The following DDX10 variants were observed in gnomAD, a reference collection of about 807,000 sequenced individuals.
DDX10 encodes probable ATP-dependent RNA helicase DDX10.
A neutral mutation model predicts 104.3 loss-of-function variants in DDX10; 74 were observed. The ratio of observed to expected loss-of-function variants is 0.71; its 90% CI spans 0.59 to 0.86. DDX10 has a LOEUF of 0.86. DDX10 is among the 40% of genes least tolerant of loss of function. The pLI is 0.00. For synonymous variants in DDX10, 351 were observed against 353.4 expected, an observed-to-expected ratio of 0.99 and a Z score of 0.08; for missense variants, 952 against 1,040.0, an observed-to-expected ratio of 0.92 and a Z score of 1.16.
intron 16 of DDX10, among the ~76,000 whole-genome samples, chr11:108,856,324 G>A (rs1221052613): frequency 6.6e-6 from 1 of 152,020 alleles, no homozygotes; most frequent in Admixed American, 6.6e-5. Flanking sequence ...CAGCATACTC[G>A]GGAGGGTGAG....
chr11:108,923,607 A>G (rs994988389), intron 17 of DDX10, among the ~76,000 whole-genome samples: 8 of 152,224 alleles, frequency 5.3e-5, no homozygotes, highest in Non-Finnish European at 1.0e-4. Context: ...AACAGGAAAC[A>G]TATCTTTCCT....
chr11:108,937,500 A>G (rs180707677), intron 17 of DDX10, among the ~76,000 whole-genome samples: 7 of 152,314 alleles, frequency 4.6e-5, no homozygotes, highest in East Asian at 3.9e-4. Flanking sequence ...TCACATTCCA[A>G]TGTTGTATCT....
intron 6 of DDX10, among the ~76,000 whole-genome samples, chr11:108,685,504 C>T (rs573448093): frequency 4.6e-5 from 7 of 152,184 alleles, no homozygotes; most frequent in African/African-American, 7.2e-5. Flanking sequence ...GCGTTGCTCA[C>T]GCTGGGAGCT....
intron 9 of DDX10, among the ~76,000 whole-genome samples, chr11:108,701,747 C>T (rs766640556): frequency 2.4e-5 from 3 of 125,336 alleles, no homozygotes; most frequent in Non-Finnish European, 3.2e-5. Flanking sequence ...AGTGCAGTGG[C>T]GCGATCTTGG....
At chr11:108,713,541 CT>C (rs2094287368) in intron 10 of DDX10, among the ~76,000 whole-genome samples, 1 of 152,026 alleles carries the variant, frequency 6.6e-6, no homozygotes, top group African/African-American at 2.4e-5. Flanking sequence ...TATTATGTTG[CT>C]CATCTGTGCA....
rs748993236 is a variant in DDX10 at position 108,678,273 on chromosome 11, G to C, written c.538-42G>C. 4 of 1,591,396 alleles carry C rather than the reference G, an allele frequency of 2.5e-6. No homozygotes were observed. In the Admixed American group the frequency reaches 7.0e-5, roughly 28 times the overall value. On this transcript the variant is annotated intron_variant, in intron 4 of 17. Transcript: ENST00000322536. ...ATAGCTTTGGTACACAGGCTGCTGA[G>C]AGTGATGTGTCTGTGTAATCAAAAT...
intron 13 of DDX10, among the ~76,000 whole-genome samples, chr11:108,765,762 G>T (rs2094355708): frequency 6.6e-6 from 1 of 152,178 alleles, no homozygotes; most frequent in Non-Finnish European, 1.5e-5. Flanking sequence ...TTAAACCAGT[G>T]CAGCAATTCA....
chr11:108,723,310 C>G lies in DDX10; in HGVS notation c.1813C>G (p.Pro605Ala). 6.2e-7 allele frequency: 1 copy of G among 1,613,820 alleles called. No individual in the cohort carries two copies. Among genetic ancestry groups the G allele is most frequent in the Non-Finnish European group, 8.5e-7 (1 of 1,179,906 alleles). The change falls in exon 13 of 18, where the codon CCA becomes GCA. Residue 605 changes from proline (P) to alanine (A), a missense_variant. This residue lies in a region of DDX10 where 533 missense variants were observed against 534.1 expected (regional missense o/e 1.00). Transcript: ENST00000322536. ...GGCAAAAGCAAAAGGATCTCAAGCC[C>G]CATCTCTTCCTAACACCAGTGAGGC... ...KLAKAKGSQA[P>A]SLPNTSEAQK...
chr11:108,781,640 A>C (rs535475457), intron 13 of DDX10, among the ~76,000 whole-genome samples: 1 of 152,182 alleles, frequency 6.6e-6, no homozygotes, highest in Non-Finnish European at 1.5e-5. Context: ...TTAATAGTTG[A>C]AATGCCTTTT....
Position 108,917,892 on chromosome 11 carries a change from C to A in DDX10, c.2324C>A (p.Ala775Asp), listed in dbSNP as rs141369999. Reference protein sequence around the residue: ...RQAKAKDEEEAFLDWSDDDDD... With the variant: ...RQAKAKDEEEDFLDWSDDDDD... Reference sequence around the variant, plus strand: ...TTTTAGGCCAAAGATGAAGAGGAAGCCTTTCTGGATTGGAGTGATGATGAT... The same window carrying A: ...TTTTAGGCCAAAGATGAAGAGGAAGACTTTCTGGATTGGAGTGATGATGAT... The change falls in exon 17 of 18, where the codon GCC (alanine) becomes GAC (aspartate). Residue 775 changes from alanine to aspartate, a missense_variant. Around this residue, in one of 3 missense-constraint regions of DDX10, gnomAD observed 533 missense variants for 534.1 expected, o/e 1.00. Transcript: ENST00000322536. The A allele has an allele frequency of 1.2e-6, 2 of 1,611,634 alleles. No homozygotes were observed. Among genetic ancestry groups the A allele is most frequent in the Non-Finnish European group, 8.5e-7 (1 of 1,179,874 alleles).
chr11:108,677,160 G>C lies in DDX10; in HGVS notation c.454G>C (p.Glu152Gln). The change falls in exon 4 of 18, where the codon GAA becomes CAA. Residue 152 changes from glutamate (E) to glutamine (Q), a missense_variant. By Grantham distance (29) the Glu-to-Gln change is conservative. Coordinates refer to ENST00000322536, the MANE Select transcript of DDX10 (RefSeq NM_004398.4). Reference protein sequence around the residue: ...LGVLIISPTRELAYQTFEVLR... With the variant: ...LGVLIISPTRQLAYQTFEVLR... ...GGTTCTCATAATATCACCTACGAGA[G>C]AACTGGCCTATCAGACCTTTGAGGT... is the stretch of plus-strand genomic sequence containing the variant. 1 of 1,613,944 alleles carries C rather than the reference G, an allele frequency of 6.2e-7. No individual in the cohort carries two copies.
At chr11:108,764,178 G>A (rs2094353856) in intron 13 of DDX10, among the ~76,000 whole-genome samples, 1 of 152,080 alleles carries the variant, frequency 6.6e-6, no homozygotes, top group Non-Finnish European at 1.5e-5. Context: ...TTAAAAGCTT[G>A]CTTGCATGTA....
chr11:108,874,542 A>T (rs998852516), intron 16 of DDX10, among the ~76,000 whole-genome samples: 2 of 146,938 alleles, frequency 1.4e-5, no homozygotes, highest in East Asian at 3.9e-4. Flanking sequence ...TATTTTATTA[A>T]TTTTTTTTTT....
At chr11:108,735,480 A>AATGATCAGAGGTGGT (rs1335090663) in intron 13 of DDX10, among the ~76,000 whole-genome samples, 3 of 152,074 alleles carry the variant, frequency 2.0e-5, no homozygotes, top group African/African-American at 7.2e-5. Flanking sequence ...TTTCAGATAG[A>AATGATCAGAGGTGGT]ATGATCAGAG....
At chr11:108,801,398 C>CGT (rs1235634004) in intron 13 of DDX10, among the ~76,000 whole-genome samples, 4 of 152,120 alleles carry the variant, frequency 2.6e-5, no homozygotes, top group Non-Finnish European at 5.9e-5. Flanking sequence ...GTTTTGGAAA[C>CGT]GTGTTTTCAA....
Position 108,907,968 on chromosome 11 carries a change from G to A in DDX10, c.2305-9905G>A, listed in dbSNP as rs73011407. 9.4e-3 allele frequency among the ~76,000 whole-genome samples: 1,434 copies of A among 152,336 alleles called. 19 individuals carry two copies. Among genetic ancestry groups the A allele is most frequent in the Non-Finnish European group, 0.017 (1,171 of 68,038 alleles). ...GGCTGTTAAAATTTAACATCATGGT[G>A]TGGGAACCATAATTTCTCAGCACTG... On this transcript the variant is annotated intron_variant, in intron 16 of 17. Coordinates refer to ENST00000322536, the MANE Select transcript of DDX10 (RefSeq NM_004398.4).
chr11:108,760,785 AAG>A (rs754724499), intron 13 of DDX10, among the ~76,000 whole-genome samples: 50 of 151,844 alleles, frequency 3.3e-4, no homozygotes, highest in Admixed American at 2.3e-3. Context: ...GTTGAAGTAA[AAG>A]CCTAGAGTTT....
At chr11:108,697,321 T>G (rs1394902491) in intron 9 of DDX10, among the ~76,000 whole-genome samples, 2 of 151,792 alleles carry the variant, frequency 1.3e-5, no homozygotes, top group African/African-American at 4.8e-5. Context: ...AATAATTGAA[T>G]TGAATAAAGG....
At chr11:108,796,145 T>C (rs1591820509) in intron 13 of DDX10, among the ~76,000 whole-genome samples, 2 of 152,318 alleles carry the variant, frequency 1.3e-5, no homozygotes, top group East Asian at 3.9e-4. Context: ...GTATGATCCG[T>C]TGTGATTCTC....
Sources: allele counts gnomAD v4.1 joint callset (sites outside exome capture counted in the v4.1 genomes callset), GRCh38; gene constraint gnomAD v4.1.1; regional missense constraint gnomAD v4.1.1; transcripts MANE v1.5; gene names NCBI Gene and HGNC (gene_info 2026-07-23, HGNC 2026-07-21).